GLT8D2: variants seen among roughly 807,000 people sequenced by gnomAD.
GLT8D2 encodes glycosyltransferase 8 domain containing 2.
A neutral mutation model predicts 44.5 loss-of-function variants in GLT8D2; 45 were observed. That is an observed-to-expected ratio of 1.01 (90% CI 0.80 to 1.30). The LOEUF (loss-of-function observed/expected upper bound fraction) is 1.30, where lower values mean the gene tolerates loss of function less well. GLT8D2 is among the 50% of genes most tolerant of loss of function. GLT8D2 has a pLI of 0.00. For synonymous variants in GLT8D2, 156 were observed against 157.2 expected (o/e 0.99, Z 0.06); for missense variants, 400 against 430.4 (o/e 0.93, Z 0.62).
intron 1 of GLT8D2, among the ~76,000 whole-genome samples, chr12:104,045,554 T>C (rs1308990902): frequency 6.6e-6 from 1 of 152,100 alleles, no homozygotes; most frequent in Non-Finnish European, 1.5e-5. Context: ...TACAGAGAGT[T>C]GTTCTGGGCA....
At chr12:104,064,295 C>G, upstream of GLT8D2, 2 of 383,228 alleles carry the variant, frequency 5.2e-6, no homozygotes, top group Non-Finnish European at 9.3e-6. The surrounding 1 kb of genome is among the most constrained non-coding windows in gnomAD (Gnocchi z 7.3). Context: ...GGATGGGAGA[C>G]GTGGTCAGTG....
intron 1 of GLT8D2, among the ~76,000 whole-genome samples, chr12:104,043,961 T>C (rs1880828874): frequency 6.6e-6 from 1 of 152,220 alleles, no homozygotes; most frequent in African/African-American, 2.4e-5. Context: ...TGCCTTTGTC[T>C]CCCTTCAGCT....
At chr12:104,022,528 A>T (rs1296275329) in intron 1 of GLT8D2, among the ~76,000 whole-genome samples, 1 of 152,152 alleles carries the variant, frequency 6.6e-6, no homozygotes, top group Non-Finnish European at 1.5e-5. Context: ...AGAAAAAGGG[A>T]GATTTTTTTC....
chr12:104,014,869 T>C, intron 4 of GLT8D2, 144 bp downstream of exon 4: 1 of 618,512 alleles, frequency 1.6e-6, no homozygotes, highest in Non-Finnish European at 2.9e-6. Flanking sequence ...AAAGGTGGTC[T>C]AGGGCGGATA....
intron 4 of GLT8D2, among the ~76,000 whole-genome samples, chr12:104,013,323 T>C (rs763248156): frequency 2.0e-5 from 3 of 152,234 alleles, no homozygotes; most frequent in Non-Finnish European, 4.4e-5. Context: ...CAGGTCTGAC[T>C]TCTTTTATTT....
intron 1 of GLT8D2, among the ~76,000 whole-genome samples, chr12:104,037,707 A>C (rs1012626801): frequency 6.6e-5 from 10 of 152,204 alleles, no homozygotes; most frequent in African/African-American, 2.2e-4. Context: ...GCCAAATTCT[A>C]CCAGAAGTAC....
intron 2 of GLT8D2, 116 bp from the exon 3 acceptor site, chr12:104,019,792 T>G: frequency 1.7e-6 from 1 of 578,294 alleles, no homozygotes; most frequent in East Asian, 3.3e-5. Context: ...TGTGTGATCA[T>G]TTTTTACTGC....
At chr12:104,002,693 C>T (rs1047928943) in intron 5 of GLT8D2, among the ~76,000 whole-genome samples, 2 of 152,072 alleles carry the variant, frequency 1.3e-5, no homozygotes, top group African/African-American at 2.4e-5. Context: ...CCTGTAATCC[C>T]AGCATTTTGG....
chr12:104,006,855 C>G lies in GLT8D2; in HGVS notation c.113-3549G>C, dbSNP rs527468763. ...CAGGAGCCAGTTGGCTAGCCTAAAA[C>G]ACACACACACTTAAAAAACATACAA... On this transcript the variant is annotated intron_variant, in intron 4 of 10. Transcript: ENST00000360814. Among the ~76,000 whole-genome samples, 118 of 152,216 alleles carry G rather than the reference C, an allele frequency of 7.8e-4. No individual in the cohort carries two copies. The Middle Eastern group carries it at 0.01, about 13-fold the overall frequency.
intron 1 of GLT8D2, among the ~76,000 whole-genome samples, chr12:104,027,875 C>T (rs1424429483): frequency 6.6e-6 from 1 of 152,134 alleles, no homozygotes; most frequent in Non-Finnish European, 1.5e-5. Context: ...AGGGCCCTTG[C>T]GGCTACACCA....
intron 4 of GLT8D2, among the ~76,000 whole-genome samples, chr12:104,010,311 C>A (rs1391166359): frequency 6.6e-6 from 1 of 152,228 alleles, no homozygotes; most frequent in Non-Finnish European, 1.5e-5. Flanking sequence ...CTACTCTTAT[C>A]TCAGTGCCTT....
chr12:104,031,667 G>C lies in GLT8D2; in HGVS notation c.-163-10176C>G, dbSNP rs533249269. 48 of 736,276 alleles carry C rather than the reference G, an allele frequency of 6.5e-5. No individual in the cohort carries two copies. In the African/African-American group the frequency reaches 8.3e-4, roughly 13 times the overall value. 45.6% of individuals were successfully genotyped at this position (736,276 alleles called of 1,614,324 possible). A position where few individuals can be genotyped will look rare whatever the true frequency, so the allele number is the denominator to read the frequency against. ...GACATCTTGAGTTGTAGCTGCAGATGGGGACCAGTGGCTCCCATTTTCATT... is the reference window on the plus strand; with the variant it reads ...GACATCTTGAGTTGTAGCTGCAGATCGGGACCAGTGGCTCCCATTTTCATT... On this transcript the variant is annotated intron_variant, in intron 1 of 10. Coordinates refer to ENST00000360814, the MANE Select transcript of GLT8D2 (RefSeq NM_001384711.1).
At chr12:104,029,013 T>C (rs1313577830) in intron 1 of GLT8D2, among the ~76,000 whole-genome samples, 1 of 152,098 alleles carries the variant, frequency 6.6e-6, no homozygotes, top group African/African-American at 2.4e-5. Context: ...GAACCTTGGC[T>C]GGGCTCAGTG....
intron 4 of GLT8D2, among the ~76,000 whole-genome samples, chr12:104,010,024 C>CA (rs35091496): frequency 1 from 150,686 of 151,066 alleles, 75,155 homozygotes; most frequent in East Asian, 1. Flanking sequence ...ATAAACAAAC[C>CA]AAAAAAAAAG....
Position 104,062,195 on chromosome 12 carries a change from T to C in GLT8D2, c.-423+1754A>G, listed in dbSNP as rs559265603. Among the ~76,000 whole-genome samples, 11 of 151,728 alleles carry C rather than the reference T, an allele frequency of 7.2e-5. No homozygotes were observed. In the East Asian group the frequency reaches 2.0e-3, roughly 27 times the overall value. ...TTCAAGTGATTCTCCTACCTCAGCC[T>C]CCCAAGTAGCTGGGATTACAGGCAT... On this transcript the variant is annotated intron_variant, in intron 1 of 10. Coordinates refer to the GLT8D2 transcript ENST00000548660.
chr12:104,007,233 GCTCTCTCTCTCT>G (rs57109528), intron 4 of GLT8D2, among the ~76,000 whole-genome samples: 3 of 66,286 alleles, frequency 4.5e-5, no homozygotes, highest in African/African-American at 5.5e-5. Context: ...TATACTTAAA[GCTCTCTCTCTCT>G]CTCTCTCTCT....
chr12:104,011,594 T>C (rs1875833123), intron 4 of GLT8D2, among the ~76,000 whole-genome samples: 1 of 152,306 alleles, frequency 6.6e-6, no homozygotes, highest in Non-Finnish European at 1.5e-5. Flanking sequence ...ATGGGGATAT[T>C]ACAGAGAATA....
At chr12:104,013,623 T>C (rs956420480) in intron 4 of GLT8D2, among the ~76,000 whole-genome samples, 14 of 152,222 alleles carry the variant, frequency 9.2e-5, no homozygotes, top group African/African-American at 3.4e-4. Context: ...AATTACAAAA[T>C]ATAATCAGAA....
chr12:104,050,034 G>C lies in GLT8D2; in HGVS notation c.-303C>G, dbSNP rs931694841. 6.6e-6 allele frequency: 1 copy of C among 152,332 alleles called. No homozygotes were observed. The highest frequency in any genetic ancestry group is 1.5e-5 in the Non-Finnish European group (1 of 68,098). 9.4% of individuals were successfully genotyped at this position (152,332 alleles called of 1,614,324 possible). A position where few individuals can be genotyped will look rare whatever the true frequency, so the allele number is the denominator to read the frequency against. On this transcript the variant is annotated 5_prime_UTR_variant, in exon 1 of 11. Transcript: ENST00000360814. ...CTAAGATCCCATTGGAAGTCCCAAA[G>C]GGCTGGAGAGCCCCAAGGCCAATAT...
Sources: gnomAD v4.1 joint callset for allele counts (sites outside exome capture counted in the v4.1 genomes callset) on GRCh38, gnomAD v4.1.1 for gene constraint, Gnocchi (gnomAD v3.1) non-coding constraint, MANE v1.5 for transcripts, NCBI Gene and HGNC (gene_info 2026-07-23, HGNC 2026-07-21) for gene names.